The following ZNF829 variants were observed in gnomAD, a reference collection of about 807,000 sequenced individuals.
ZNF829 encodes the protein zinc finger protein 829.
A neutral mutation model predicts 35.2 loss-of-function variants in ZNF829; 25 were observed. The observed-to-expected ratio is 0.71, with a 90% CI of 0.52 to 0.99. ZNF829 has a LOEUF of 0.99. Ranked by LOEUF, ZNF829 falls within the 50% of genes least tolerant of loss-of-function variation. The probability of loss-of-function intolerance (pLI) is 0.00; values close to 1 mark genes in which losing one functional copy is unlikely to be tolerated. For synonymous variants in ZNF829, 136 were observed against 163.2 expected (o/e 0.83, Z 1.27); for missense variants, 417 against 515.3 (o/e 0.81, Z 1.85).
chr19:36,912,999 A>G (rs2073276895), intron 3 of ZNF829: 1 of 152,204 alleles, frequency 6.6e-6, no homozygotes, highest in South Asian at 2.1e-4. Context: ...CTCTGTCCCA[A>G]AAAAAATAAA....
rs2146222393 is a variant in ZNF829 at position 36,891,401 on chromosome 19, C to T, written c.*91G>A. 7.6e-7 allele frequency: 1 copy of T among 1,312,458 alleles called. No homozygotes were observed. The highest frequency in any genetic ancestry group is 1.0e-6 in the Non-Finnish European group (1 of 980,942). 81.3% of individuals were successfully genotyped at this position (1,312,458 alleles called of 1,614,324 possible). A position where few individuals can be genotyped will look rare whatever the true frequency, so the allele number is the denominator to read the frequency against. ...GTTTAAAAACGAATACATAGGAGAACCTTTGATAATATGTATCCTAATTTG... is the reference window on the plus strand; with the variant it reads ...GTTTAAAAACGAATACATAGGAGAATCTTTGATAATATGTATCCTAATTTG... On this transcript the variant is annotated 3_prime_UTR_variant, in exon 6 of 6. Transcript: ENST00000391711.
chr19:36,914,853 A>G (rs374033300), intron 3 of ZNF829, 112 bp downstream of exon 3: 8 of 949,586 alleles, frequency 8.4e-6, no homozygotes, highest in East Asian at 5.0e-5. Flanking sequence ...TTCAGCAAGC[A>G]TAAGTGGAGC....
At chr19:36,906,386 A>G (rs557580176) in intron 5 of ZNF829, 1 of 152,354 alleles carries the variant, frequency 6.6e-6, no homozygotes, top group Non-Finnish European at 1.5e-5. Flanking sequence ...CCAACAGGAA[A>G]AAGATAGACA....
intron 3 of ZNF829, among the ~76,000 whole-genome samples, chr19:36,908,693 G>T (rs941630103): frequency 2.6e-5 from 4 of 152,114 alleles, no homozygotes; most frequent in African/African-American, 9.7e-5. Context: ...TTCCCTTTAT[G>T]CCCCAAGAGA....
Position 36,891,256 on chromosome 19 carries a change from A to G in ZNF829, c.*236T>C. On this transcript the variant is annotated 3_prime_UTR_variant, in exon 6 of 6. Coordinates refer to ENST00000391711, the MANE Select transcript of ZNF829 (RefSeq NM_001037232.4). ...TAGAACAGATCCTCAGAGTCCTCAG[A>G]AGGAACCAAAACGATCAGCACCCTT... 2.3e-6 allele frequency: 1 copy of G among 438,966 alleles called. No individual in the cohort carries two copies. Among genetic ancestry groups the G allele is most frequent in the Non-Finnish European group, 3.9e-6 (1 of 253,358 alleles). The allele number at this position is 438,966 out of a possible 1,614,324, so 27.2% of individuals were successfully genotyped here. A position where few individuals can be genotyped will look rare whatever the true frequency, so the allele number is the denominator to read the frequency against.
intron 5 of ZNF829, among the ~76,000 whole-genome samples, chr19:36,897,609 C>T (rs1407580381): frequency 6.6e-6 from 1 of 152,094 alleles, no homozygotes; most frequent in Non-Finnish European, 1.5e-5. Context: ...TGGGGAAAAG[C>T]CGAAAGCTTT....
chr19:36,889,781 T>C lies in ZNF829; in HGVS notation c.*1711A>G, dbSNP rs781767992. 12 of 152,200 alleles carry C rather than the reference T, an allele frequency of 7.9e-5. No individual in the cohort carries two copies. Among genetic ancestry groups the C allele is most frequent in the Admixed American group, 6.5e-5 (1 of 15,282 alleles). 9.4% of individuals were successfully genotyped at this position (152,200 alleles called of 1,614,324 possible). On this transcript the variant is annotated 3_prime_UTR_variant, in exon 6 of 6. Coordinates refer to ENST00000391711, the MANE Select transcript of ZNF829 (RefSeq NM_001037232.4). ...TCAGTCTCATTTTTGCCTGCTCTGA[T>C]ATTTGTTATTGCTTTTCTTCTGCCA...
rs192798904 is a variant in ZNF829 at position 36,891,494 on chromosome 19, A to T, written c.1297T>A (p.Ter433ArgextTer5). The T allele has an allele frequency of 7.1e-5, 110 of 1,543,644 alleles. 1 individual carries two copies. The African/African-American group carries it at 1.3e-3, about 18-fold the overall frequency. ...AAATGGTCTTACTTTACTGTCATTC[A>T]ACCAGTATGAATTCCCTCATGGCGA... ...LIRHEGIHTG[*>R] The change falls in exon 6 of 6, where the codon TGA (stop) becomes AGA (arginine). Residue 433 changes from the stop codon to arginine, a stop_lost. Transcript: ENST00000391711.
At chr19:36,909,957 GA>G (rs1199963478) in intron 3 of ZNF829, among the ~76,000 whole-genome samples, 1 of 152,030 alleles carries the variant, frequency 6.6e-6, no homozygotes, top group African/African-American at 2.4e-5. Context: ...AGCAATATAG[GA>G]ATATTAATTA....
rs1298252835 is a variant in ZNF829 at position 36,890,394 on chromosome 19, T to A, written c.*1098A>T. Reference sequence around the variant, plus strand: ...CCCCTGCTATTGTTGTATTGCTGTCTATCTCTTTTCTTAGGTCTAGTAGTA... The same window carrying A: ...CCCCTGCTATTGTTGTATTGCTGTCAATCTCTTTTCTTAGGTCTAGTAGTA... On this transcript the variant is annotated 3_prime_UTR_variant, in exon 6 of 6. Transcript: ENST00000391711. 6.6e-6 allele frequency: 1 copy of A among 152,250 alleles called. No individual in the cohort carries two copies. Among genetic ancestry groups the A allele is most frequent in the Non-Finnish European group, 1.5e-5 (1 of 68,094 alleles). 9.4% of individuals were successfully genotyped at this position (152,250 alleles called of 1,614,324 possible).
At chr19:36,899,171 G>A (rs538834376) in intron 5 of ZNF829, among the ~76,000 whole-genome samples, 89 of 152,214 alleles carry the variant, frequency 5.8e-4, no homozygotes, top group Middle Eastern at 3.4e-3. Flanking sequence ...GTGCCATAGC[G>A]GCTCATAACT....
chr19:36,891,903 A>T lies in ZNF829; in HGVS notation c.888T>A (p.Tyr296Ter), dbSNP rs561580495. The part of the protein sequence containing the change: ...HLRIHTGEKP[Y>*]ECKECGKAFT... ...AGGCTTTCCCACATTCTTTACATTC[A>T]TAAGGTTTCTCACCAGTATGAATTC... is the stretch of plus-strand genomic sequence containing the variant. The change falls in exon 6 of 6, where the codon TAT becomes TAA. Residue 296 changes from tyrosine to a stop codon, truncating the protein, a stop_gained. Transcript: ENST00000391711. LOFTEE classifies it high-confidence loss of function. 6.2e-7 allele frequency: 1 copy of T among 1,614,068 alleles called. No homozygotes were observed. Among genetic ancestry groups the T allele is most frequent in the Admixed American group, 1.7e-5 (1 of 60,022 alleles).
At position 36,891,942 on chromosome 19, in the gene ZNF829, A is replaced by C. The variant is rs757376817; in HGVS notation, c.849T>G (p.Leu283=). ...CAGTATGAATTCTCAGATGTAGAAA[A>C]AGTTGTGAACTTTTAGTAAAGGCTT... ...CGKAFTKSSQ[L]FLHLRIHTGE... is the part of the protein sequence containing the mutation. The change falls in exon 6 of 6, where the codon CTT becomes CTG. Residue 283 remains leucine, a synonymous_variant. Coordinates refer to ENST00000391711, the MANE Select transcript of ZNF829 (RefSeq NM_001037232.4). The C allele has an allele frequency of 2.5e-6, 4 of 1,613,774 alleles. No homozygotes were observed. The South Asian group carries it at 4.4e-5, about 18-fold the overall frequency.
intron 3 of ZNF829, among the ~76,000 whole-genome samples, chr19:36,913,665 G>A (rs558063484): frequency 2.0e-5 from 3 of 148,202 alleles, no homozygotes; most frequent in African/African-American, 5.3e-5. Context: ...GAGAAGGAAA[G>A]GGGGAGAGAA....
At chr19:36,894,334 A>C (rs973952322) in intron 5 of ZNF829, among the ~76,000 whole-genome samples, 12 of 152,226 alleles carry the variant, frequency 7.9e-5, no homozygotes, top group Admixed American at 2.6e-4. Context: ...TAAAATTGGA[A>C]AAAATGACCA....
At chr19:36,915,054 G>A (rs1293162466) in intron 2 of ZNF829, 32 bp from the exon 3 acceptor site, 2 of 1,613,962 alleles carry the variant, frequency 1.2e-6, no homozygotes, top group South Asian at 2.2e-5. Flanking sequence ...AGAGGGAAGA[G>A]TAACTGTGAG....
chr19:36,899,894 G>A (rs2073147465), intron 5 of ZNF829, among the ~76,000 whole-genome samples: 1 of 150,774 alleles, frequency 6.6e-6, no homozygotes, highest in African/African-American at 2.5e-5. Context: ...TTAAAAAAAG[G>A]TTCATATAAA....
At chr19:36,902,764 A>G (rs703523) in intron 5 of ZNF829, among the ~76,000 whole-genome samples, 152,322 of 152,330 alleles carry the variant, frequency 1, 76,157 homozygotes, top group Middle Eastern at 1. Context: ...GGCCGGGTGC[A>G]GTGGCTCACG....
At chr19:36,893,160 G>T (rs2073078376) in intron 5 of ZNF829, 2 of 393,852 alleles carry the variant, frequency 5.1e-6, no homozygotes, top group South Asian at 1.4e-4. Context: ...CAGTGACTGT[G>T]CAATGGTATA....
Sources: gnomAD v4.1 joint callset for allele counts (sites outside exome capture counted in the v4.1 genomes callset) on GRCh38, gnomAD v4.1.1 for gene constraint, MANE v1.5 for transcripts, NCBI Gene and HGNC (gene_info 2026-07-23, HGNC 2026-07-21) for gene names.